SKAP1: variants seen among roughly 807,000 people sequenced by gnomAD.
The protein encoded by SKAP1 is src kinase associated phosphoprotein 1.
SKAP1 carries 44 observed loss-of-function variants against 58.5 expected under a neutral mutation model. That is an observed-to-expected ratio of 0.75 (90% confidence interval 0.59 to 0.97). SKAP1 has a LOEUF of 0.97. SKAP1 is among the 50% of genes least tolerant of loss of function. The pLI is 0.00. For missense variants in SKAP1, 390 were observed against 435.2 expected (o/e 0.90, Z 0.92); for synonymous variants, 127 against 149.7 (o/e 0.85, Z 1.11).
At chr17:48,250,110 C>T (rs1339891224) in intron 4 of SKAP1, among the ~76,000 whole-genome samples, 1 of 150,402 alleles carries the variant, frequency 6.6e-6, no homozygotes, top group Non-Finnish European at 1.5e-5. Flanking sequence ...TCATTTACTG[C>T]AATTTCATAA....
intron 2 of SKAP1, among the ~76,000 whole-genome samples, chr17:48,375,457 A>C (rs375088887): frequency 6.6e-6 from 1 of 152,346 alleles, no homozygotes; most frequent in East Asian, 1.9e-4. Context: ...ATGGTCAATG[A>C]AACACCCACC....
chr17:48,255,463 A>G (rs531811534), intron 4 of SKAP1, among the ~76,000 whole-genome samples: 1 of 151,022 alleles, frequency 6.6e-6, no homozygotes, highest in South Asian at 2.1e-4. Flanking sequence ...TGTACTGCAC[A>G]TTAGGATAAA....
In SKAP1 at chr17:48,371,654, C is replaced by CAAAAAAAAAAAAAA. The variant is rs71141985; in HGVS notation, c.153-7854_153-7841dup. ...GTAACATGGTGAAACCTTGTCTCCA[C>CAAAAAAAAAAAAAA]AAAAAAAAAAAAAAAAAAAAAAAAA... On this transcript the variant is annotated intron_variant, in intron 2 of 12. Coordinates refer to ENST00000336915, the MANE Select transcript of SKAP1 (RefSeq NM_003726.4). 1.1e-4 allele frequency among the ~76,000 whole-genome samples: 4 copies of CAAAAAAAAAAAAAA among 37,918 alleles called. 1 individual carries two copies. The highest frequency in any genetic ancestry group is 2.7e-4 in the African/African-American group (2 of 7,460). 24.9% of individuals were successfully genotyped at this position (37,918 alleles called of 152,430 possible). A position where few individuals can be genotyped will look rare whatever the true frequency, so the allele number is the denominator to read the frequency against.
intron 1 of SKAP1, among the ~76,000 whole-genome samples, chr17:48,426,849 GT>G (rs5820701): frequency 1.3e-3 from 190 of 146,332 alleles, no homozygotes; most frequent in East Asian, 5.0e-3. Context: ...AAGATAGCGT[GT>G]TTTTTTTTTT....
intron 2 of SKAP1, among the ~76,000 whole-genome samples, chr17:48,394,833 T>C (rs1485392322): frequency 1.3e-5 from 2 of 152,112 alleles, no homozygotes. Flanking sequence ...ATTGAATGGG[T>C]GGATGTAAGG....
chr17:48,192,638 T>C (rs1239880135), intron 4 of SKAP1, among the ~76,000 whole-genome samples: 1 of 152,096 alleles, frequency 6.6e-6, no homozygotes, highest in Non-Finnish European at 1.5e-5. Context: ...CCCCTGTGAG[T>C]TGCCATCAGA....
chr17:48,251,580 T>G (rs560976652), intron 4 of SKAP1, among the ~76,000 whole-genome samples: 1 of 152,330 alleles, frequency 6.6e-6, no homozygotes, highest in Admixed American at 6.5e-5. Flanking sequence ...TTAAGGTCCA[T>G]CTTGGGGCAA....
chr17:48,312,084 T>C (rs922130719), intron 4 of SKAP1, among the ~76,000 whole-genome samples: 2 of 152,244 alleles, frequency 1.3e-5, no homozygotes, highest in Admixed American at 1.3e-4. Flanking sequence ...TTCTGTTACA[T>C]GAATCACATT....
At chr17:48,280,134 G>C (rs1445508669) in intron 4 of SKAP1, among the ~76,000 whole-genome samples, 2 of 152,108 alleles carry the variant, frequency 1.3e-5, no homozygotes, top group African/African-American at 4.8e-5. Flanking sequence ...TATTTTGTAT[G>C]TTTGGTTTTA....
chr17:48,372,013 C>T (rs1324062780), intron 2 of SKAP1, among the ~76,000 whole-genome samples: 2 of 152,132 alleles, frequency 1.3e-5, no homozygotes, highest in African/African-American at 4.8e-5. Context: ...CACTCTGTCA[C>T]CCAGGCTGGA....
At chr17:48,377,156 G>A (rs2067159807) in intron 2 of SKAP1, 1 of 144,116 alleles carries the variant, frequency 6.9e-6, no homozygotes, top group South Asian at 2.1e-4. Context: ...GAAGCAATAT[G>A]ATGAGGTAAA....
At position 48,271,501 on chromosome 17, in the gene SKAP1, G is replaced by A. The variant is rs115077912; in HGVS notation, c.280+74404C>T. ...CACACCTCAGCCTCTTGAGTAGATG[G>A]GACCACAGCGTGTGTCACCACACCT... On this transcript the variant is annotated intron_variant, in intron 4 of 12. Transcript: ENST00000336915. 4.0e-3 allele frequency among the ~76,000 whole-genome samples: 599 copies of A among 151,386 alleles called. 5 individuals are homozygous for A. Among genetic ancestry groups the A allele is most frequent in the African/African-American group, 0.014 (576 of 41,306 alleles).
chr17:48,182,527 A>G, intron 7 of SKAP1, 70 bp from the exon 8 acceptor site: 2 of 1,061,504 alleles, frequency 1.9e-6, no homozygotes, highest in Admixed American at 3.9e-5. Flanking sequence ...AGGGATGTCC[A>G]AGGGGGAGGA....
chr17:48,331,910 T>G (rs1346551272), intron 4 of SKAP1, among the ~76,000 whole-genome samples: 1 of 152,118 alleles, frequency 6.6e-6, no homozygotes, highest in Admixed American at 6.5e-5. Context: ...AATTTAATTC[T>G]CAATAAATTA....
intron 11 of SKAP1, among the ~76,000 whole-genome samples, chr17:48,152,900 G>A (rs1326218782): frequency 6.6e-6 from 1 of 152,124 alleles, no homozygotes; most frequent in African/African-American, 2.4e-5. Context: ...AAAGCATCGG[G>A]CAATTCTGAG....
intron 10 of SKAP1, among the ~76,000 whole-genome samples, chr17:48,166,223 T>C (rs1048317547): frequency 1.1e-4 from 16 of 152,190 alleles, no homozygotes; most frequent in African/African-American, 3.1e-4. Flanking sequence ...CTTTATCCTA[T>C]GTAAGGGAAG....
At chr17:48,213,362 A>G (rs1018473543) in intron 4 of SKAP1, among the ~76,000 whole-genome samples, 9 of 151,822 alleles carry the variant, frequency 5.9e-5, no homozygotes, top group Admixed American at 2.6e-4. Flanking sequence ...AAAAAAAAAA[A>G]AAAAAAAGCT....
At chr17:48,262,826 C>T (rs1478666098) in intron 4 of SKAP1, among the ~76,000 whole-genome samples, 1 of 152,132 alleles carries the variant, frequency 6.6e-6, no homozygotes, top group African/African-American at 2.4e-5. Context: ...ATTGCACACA[C>T]ACACTTCTTT....
intron 1 of SKAP1, among the ~76,000 whole-genome samples, chr17:48,398,606 T>C (rs553385146): frequency 4.6e-5 from 7 of 152,166 alleles, no homozygotes; most frequent in Non-Finnish European, 1.0e-4. Flanking sequence ...GGACCCCTGA[T>C]ACATACTATC....
Sources: allele counts gnomAD v4.1 joint callset (sites outside exome capture counted in the v4.1 genomes callset), GRCh38; gene constraint gnomAD v4.1.1; transcripts MANE v1.5; gene names NCBI Gene and HGNC (gene_info 2026-07-23, HGNC 2026-07-21).